Variants in PPAT observed in about 807,000 individuals in gnomAD.
PPAT encodes amidophosphoribosyltransferase.
PPAT carries 20 observed loss-of-function variants against 60.2 expected under a neutral mutation model. That is an observed-to-expected ratio of 0.33 (90% confidence interval 0.23 to 0.48). The LOEUF (loss-of-function observed/expected upper bound fraction) is 0.48, where lower values mean the gene tolerates loss of function less well. Among genes scored for constraint, PPAT ranks in the 20% least tolerant of loss-of-function variants. The pLI is 0.99. For missense variants in PPAT, 349 were observed against 629.6 expected, an observed-to-expected ratio of 0.55 and a Z score of 4.77; for synonymous variants, 194 against 215.1, an observed-to-expected ratio of 0.90 and a Z score of 0.86.
At chr4:56,426,374 C>T (rs896729077) in intron 1 of PPAT, among the ~76,000 whole-genome samples, 2 of 151,982 alleles carry the variant, frequency 1.3e-5, no homozygotes, top group Non-Finnish European at 2.9e-5. Context: ...TGCACTCCAG[C>T]CTGGGCGACT....
At chr4:56,419,731 C>T (rs1322308543) in intron 1 of PPAT, 1 of 982,726 alleles carries the variant, frequency 1.0e-6, no homozygotes, top group Non-Finnish European at 1.2e-6. Context: ...GACATCTGGT[C>T]TGATAAAAGC....
intron 5 of PPAT, among the ~76,000 whole-genome samples, 188 bp downstream of exon 5, chr4:56,402,852 G>C (rs1716150608): frequency 6.9e-6 from 1 of 144,598 alleles, no homozygotes; most frequent in Non-Finnish European, 1.5e-5. Context: ...AAAAAAAGGG[G>C]GGGGACTCAT....
At chr4:56,411,788 G>C (rs1036651361) in intron 1 of PPAT, among the ~76,000 whole-genome samples, 1 of 152,210 alleles carries the variant, frequency 6.6e-6, no homozygotes, top group Non-Finnish European at 1.5e-5. Context: ...AGAGAAAACA[G>C]TAAATAGTAT....
chr4:56,395,834 A>C (rs868524457), intron 10 of PPAT, among the ~76,000 whole-genome samples: 24 of 152,156 alleles, frequency 1.6e-4, no homozygotes, highest in Non-Finnish European at 2.5e-4. Flanking sequence ...TAATTGAAAA[A>C]ATGGAATTTA....
chr4:56,397,916 C>T (rs1716013890), intron 9 of PPAT, among the ~76,000 whole-genome samples: 1 of 151,694 alleles, frequency 6.6e-6, no homozygotes, highest in Admixed American at 6.6e-5. Context: ...GTGGTGTGTG[C>T]CTATGGTCCC....
intron 1 of PPAT, among the ~76,000 whole-genome samples, chr4:56,432,858 A>C (rs1430976201): frequency 6.6e-6 from 1 of 151,576 alleles, no homozygotes; most frequent in Non-Finnish European, 1.5e-5. Flanking sequence ...AAAAAAACAC[A>C]ATCAAACCTT....
In PPAT at chr4:56,396,490, A is replaced by G. The variant is rs1715970164; in HGVS notation, c.1357+129T>C. Reference sequence around the variant, plus strand: ...CTCTCACTGTTGAGAATAGTATTCAATATCTGTTTAACATATATAACTACT... The same window carrying G: ...CTCTCACTGTTGAGAATAGTATTCAGTATCTGTTTAACATATATAACTACT... On this transcript the variant is annotated intron_variant, in intron 10 of 10. Coordinates refer to ENST00000264220, the MANE Select transcript of PPAT (RefSeq NM_002703.5). The surrounding 1 kb of genome is among the most constrained non-coding windows in gnomAD (Gnocchi z 4.6). 4.4e-6 allele frequency: 4 copies of G among 899,640 alleles called. No individual in the cohort carries two copies. The highest frequency in any genetic ancestry group is 5.5e-5 in the East Asian group (2 of 36,610). 55.7% of individuals were successfully genotyped at this position (899,640 alleles called of 1,614,324 possible).
In PPAT at chr4:56,431,458, G is replaced by C. The variant is rs1717581594; in HGVS notation, c.128+3892C>G. 12 of 977,620 alleles carry C rather than the reference G, an allele frequency of 1.2e-5. 1 individual carries two copies. In the South Asian group the frequency reaches 3.3e-4, roughly 27 times the overall value. 60.6% of individuals were successfully genotyped at this position (977,620 alleles called of 1,614,324 possible). On this transcript the variant is annotated intron_variant, in intron 1 of 10. Coordinates refer to ENST00000264220, the MANE Select transcript of PPAT (RefSeq NM_002703.5). ...AATCTCTTAAGAAAAGTGCTCCTGA[G>C]ATCATTACAAATCAGTTTCCTCAAA... is the stretch of plus-strand genomic sequence containing the variant.
intron 1 of PPAT, among the ~76,000 whole-genome samples, chr4:56,428,308 G>A (rs80184911): frequency 0.027 from 4,061 of 152,164 alleles, 200 homozygotes; most frequent in African/African-American, 0.092. Flanking sequence ...CACAGAGGCC[G>A]GAAAATACTG....
In PPAT at chr4:56,401,508, GACTTTTAATAA is replaced by G. The variant is rs757149500; in HGVS notation, c.735-38_735-28del. The G allele has an allele frequency of 1.1e-5, 17 of 1,555,054 alleles. No individual in the cohort carries two copies. In the African/African-American group the frequency reaches 2.3e-4, roughly 21 times the overall value. On this transcript the variant is annotated intron_variant, in intron 6 of 10. Transcript: ENST00000264220. ...TTGGGAAACAATGTTAAAGAAAGAA[GACTTTTAATAA>G]ACTAGTCCTTAAGGCTGATGAAAAT...
intron 1 of PPAT, chr4:56,431,558 A>T: frequency 1.0e-6 from 1 of 968,172 alleles, no homozygotes; most frequent in Non-Finnish European, 1.2e-6. Flanking sequence ...GGTAAATCTT[A>T]TAAATTTTTA....
intron 1 of PPAT, among the ~76,000 whole-genome samples, chr4:56,419,357 A>G (rs777005721): frequency 3.3e-5 from 5 of 151,990 alleles, no homozygotes; most frequent in Admixed American, 6.6e-5. Flanking sequence ...TATGGAAGAG[A>G]AAAAAAAGGT....
At chr4:56,406,019 G>C (rs1227478689) in intron 3 of PPAT, among the ~76,000 whole-genome samples, 1 of 152,136 alleles carries the variant, frequency 6.6e-6, no homozygotes, top group Non-Finnish European at 1.5e-5. Context: ...GGTACTATCA[G>C]AATACAATTG....
At chr4:56,414,590 TAGG>T (rs766335664) in intron 1 of PPAT, among the ~76,000 whole-genome samples, 9 of 152,234 alleles carry the variant, frequency 5.9e-5, no homozygotes, top group Non-Finnish European at 1.3e-4. Context: ...CCTACAGTTT[TAGG>T]ATTCATGCTG....
intron 1 of PPAT, chr4:56,419,765 A>G: frequency 2.0e-5 from 20 of 985,064 alleles, no homozygotes; most frequent in Non-Finnish European, 2.4e-5. Context: ...TAGAGGGAAC[A>G]GTGAGAAATA....
intron 3 of PPAT, among the ~76,000 whole-genome samples, chr4:56,405,532 G>A (rs1391070862): frequency 6.6e-6 from 1 of 152,198 alleles, no homozygotes; most frequent in African/African-American, 2.4e-5. Context: ...CCCCAGGGAA[G>A]GGGACAAAGG....
chr4:56,406,368 G>T (rs933704891), intron 3 of PPAT, 127 bp downstream of exon 3: 1 of 919,318 alleles, frequency 1.1e-6, no homozygotes, highest in Admixed American at 2.3e-5. Flanking sequence ...TGATGCAATT[G>T]TTTGTTGCAG....
At chr4:56,411,734 C>T (rs985162166) in intron 1 of PPAT, among the ~76,000 whole-genome samples, 2 of 152,170 alleles carry the variant, frequency 1.3e-5, no homozygotes, top group South Asian at 4.1e-4. Flanking sequence ...TTTAGTAATG[C>T]GAAACCTCAA....
chr4:56,408,504 A>C (rs559383437), intron 1 of PPAT, among the ~76,000 whole-genome samples: 3 of 150,716 alleles, frequency 2.0e-5, no homozygotes, highest in Non-Finnish European at 4.4e-5. Context: ...GCTTTGTTAA[A>C]GATTAACTCC....
Sources: allele counts gnomAD v4.1 joint callset (sites outside exome capture counted in the v4.1 genomes callset), GRCh38; gene constraint gnomAD v4.1.1; non-coding constraint Gnocchi (gnomAD v3.1); transcripts MANE v1.5; gene names NCBI Gene and HGNC (gene_info 2026-07-23, HGNC 2026-07-21).